MYO15B: variants seen among roughly 807,000 people sequenced by gnomAD.
MYO15B encodes the protein myosin XVB.
Under a neutral mutation model 119.3 loss-of-function variants are expected in MYO15B, and 207 were observed. The observed-to-expected ratio is 1.73, with a 90% CI of 1.55 to 1.95. The LOEUF is 1.95. Among genes scored for constraint, MYO15B ranks in the 30% most tolerant of loss-of-function variants. MYO15B has a pLI of 0.00. For missense variants in MYO15B, 2,264 were observed against 1,203.1 expected (o/e 1.88, Z -13.04); for synonymous variants, 966 against 498.9 (o/e 1.94, Z -12.48).
chr17:75,590,009 C>T, exon 1 of MYO15B: 1 of 398,802 alleles, frequency 2.5e-6, no homozygotes, highest in East Asian at 3.6e-5. Flanking sequence ...AGGCTTGGCG[C>T]CGCCGTGCTG....
In MYO15B at chr17:75,616,052, A is replaced by G. The variant is rs1037818456; in HGVS notation, c.6031-17A>G. 1.7e-5 allele frequency: 10 copies of G among 579,578 alleles called. No individual in the cohort carries two copies. The highest frequency in any genetic ancestry group is 2.9e-5 in the East Asian group (1 of 34,456). 35.9% of individuals were successfully genotyped at this position (579,578 alleles called of 1,614,324 possible). On this transcript the variant is annotated splice_polypyrimidine_tract_variant and intron_variant, in intron 36 of 63. Transcript: ENST00000645453. ...ACCCAGGCTGGCTGAGCTGCCACTC[A>G]TTTCTGCTTCTGCCAGGAGACCTCC...
Position 75,589,663 on chromosome 17 carries a change from G to A in MYO15B, c.1606G>A (p.Asp536Asn), listed in dbSNP as rs1336855350. The change falls in exon 1 of 64, where the codon GAC (aspartate) becomes AAC (asparagine). Residue 536 changes from aspartate to asparagine, a missense_variant. Coordinates refer to ENST00000645453, the Ensembl canonical transcript of MYO15B. The surrounding 1 kb of genome is among the most constrained non-coding windows in gnomAD (Gnocchi z 4.2). ...CCCCGGCGACCCTTTTGATCAGGAGGACGAGACTCCAGATCCCAAGTTCGC... is the reference window on the plus strand; with the variant it reads ...CCCCGGCGACCCTTTTGATCAGGAGAACGAGACTCCAGATCCCAAGTTCGC... 5 of 398,864 alleles carry A rather than the reference G, an allele frequency of 1.3e-5. No individual in the cohort carries two copies. The Admixed American group carries it at 1.8e-4, about 14-fold the overall frequency. The allele number at this position is 398,864 out of a possible 1,614,324, so 24.7% of individuals were successfully genotyped here. A position where few individuals can be genotyped will look rare whatever the true frequency, so the allele number is the denominator to read the frequency against.
intron 7 of MYO15B, 46 bp downstream of exon 7, chr17:75,592,347 G>A: frequency 2.8e-6 from 2 of 701,784 alleles, no homozygotes; most frequent in Non-Finnish European, 5.2e-6. Flanking sequence ...CCCAGAGTAG[G>A]AAGGGCAGAG....
intron 15 of MYO15B, 65 bp downstream of exon 15, chr17:75,601,628 C>G (rs2057292877): frequency 1.5e-6 from 1 of 676,440 alleles, no homozygotes; most frequent in South Asian, 1.6e-5. Flanking sequence ...CAAGCTGAGT[C>G]ACCCGACAGC....
intron 30 of MYO15B, 80 bp from the exon 31 acceptor site, chr17:75,614,503 G>C (rs958853103): frequency 2.4e-6 from 1 of 408,468 alleles, no homozygotes; most frequent in Non-Finnish European, 4.9e-6. Flanking sequence ...GGTGACCCCC[G>C]CAGCAGCTTC....
chr17:75,618,672 A>G (rs1338134956), intron 43 of MYO15B, among the ~76,000 whole-genome samples: 2 of 152,236 alleles, frequency 1.3e-5, no homozygotes, highest in African/African-American at 4.8e-5. Flanking sequence ...AGTAGGGACC[A>G]TTATTCATCT....
intron 15 of MYO15B, among the ~76,000 whole-genome samples, chr17:75,601,992 C>T (rs921236661): frequency 1.1e-4 from 16 of 152,118 alleles, no homozygotes; most frequent in Non-Finnish European, 2.1e-4. Flanking sequence ...TTCCCCCTTC[C>T]GAGTTCTATG....
chr17:75,625,508 C>T lies in MYO15B; in HGVS notation c.8805-19C>T, dbSNP rs1337306174. 4.3e-6 allele frequency: 3 copies of T among 702,868 alleles called. No homozygotes were observed. Among genetic ancestry groups the T allele is most frequent in the Non-Finnish European group, 7.8e-6 (3 of 384,972 alleles). The allele number at this position is 702,868 out of a possible 1,614,324, so 43.5% of individuals were successfully genotyped here. A position where few individuals can be genotyped will look rare whatever the true frequency, so the allele number is the denominator to read the frequency against. On this transcript the variant is annotated intron_variant, in intron 60 of 63. Transcript: ENST00000645453. ...ACCAGGTGGTCAGGGGCCAAACTGA[C>T]CCTGGTCACACATCCTAGGCAGGAC...
intron 21 of MYO15B, chr17:75,606,881 A>G (rs1010779707): frequency 5.0e-6 from 2 of 397,992 alleles, no homozygotes; most frequent in Non-Finnish European, 8.9e-6. Context: ...TCTCTTTCCT[A>G]TAACACCACC....
At position 75,606,155 on chromosome 17, in the gene MYO15B, A is replaced by C. The variant is rs2147904678; in HGVS notation, c.4292+134A>C. ...CCTGCCCCAGTGCCATCTCATCGGCATGTGACTCTCCTTGACGGCATTACC... is the reference window on the plus strand; with the variant it reads ...CCTGCCCCAGTGCCATCTCATCGGCCTGTGACTCTCCTTGACGGCATTACC... On this transcript the variant is annotated intron_variant, in intron 21 of 63. Coordinates refer to ENST00000645453, the Ensembl canonical transcript of MYO15B. The C allele has an allele frequency of 6.9e-6, 4 of 578,012 alleles. No homozygotes were observed. In the East Asian group the frequency reaches 1.1e-4, roughly 16 times the overall value. The allele number at this position is 578,012 out of a possible 1,614,324, so 35.8% of individuals were successfully genotyped here. A position where few individuals can be genotyped will look rare whatever the true frequency, so the allele number is the denominator to read the frequency against.
Position 75,622,605 on chromosome 17 carries a change from G to A in MYO15B, c.8082+525G>A, listed in dbSNP as rs117154826. On this transcript the variant is annotated intron_variant, in intron 53 of 63. Transcript: ENST00000645453. ...ACCAGAGGATTCTGGAGAGAGACTC[G>A]GCTTACATTTCACAGGGTCACTCGG... Among the ~76,000 whole-genome samples the A allele has an allele frequency of 2.8e-4, 42 of 152,264 alleles. No homozygotes were observed. In the East Asian group the frequency reaches 6.4e-3, roughly 23 times the overall value.
chr17:75,614,433 A>G (rs1484159146), intron 30 of MYO15B, 73 bp downstream of exon 30: 3 of 674,590 alleles, frequency 4.4e-6, no homozygotes, highest in Non-Finnish European at 8.1e-6. Context: ...TGCCACACTC[A>G]GGGGTTTATA....
intron 19 of MYO15B, 59 bp downstream of exon 19, chr17:75,603,371 C>A: frequency 1.4e-6 from 1 of 689,736 alleles, no homozygotes; most frequent in Non-Finnish European, 2.6e-6. Context: ...TGACTGGCAG[C>A]CCCGGGGGTC....
Position 75,617,317 on chromosome 17 carries a change from A to G in MYO15B, c.6814+13A>G, listed in dbSNP as rs2058433954. 2 of 618,416 alleles carry G rather than the reference A, an allele frequency of 3.2e-6. No individual in the cohort carries two copies. The highest frequency in any genetic ancestry group is 2.8e-5 in the Admixed American group (1 of 35,818). 38.3% of individuals were successfully genotyped at this position (618,416 alleles called of 1,614,324 possible). On this transcript the variant is annotated intron_variant, in intron 41 of 63. Coordinates refer to ENST00000645453, the Ensembl canonical transcript of MYO15B. ...GCAGAGCGTCGTTGTAAGGAACCAC[A>G]TTTCTCCTGCGCCGTGGGCTTCACT...
At chr17:75,614,036 G>A in intron 29 of MYO15B, 163 bp from the exon 30 acceptor site, 1 of 605,702 alleles carries the variant, frequency 1.7e-6, no homozygotes, top group African/African-American at 1.8e-5. Context: ...GCCGTGAGGT[G>A]AGGAGGGGAG....
chr17:75,610,618 C>T, intron 22 of MYO15B: 2 of 551,730 alleles, frequency 3.6e-6, no homozygotes, highest in East Asian at 5.8e-5. Flanking sequence ...GTGCTACCCC[C>T]TCTCTGGCCC....
intron 21 of MYO15B, chr17:75,606,904 A>G: frequency 2.5e-6 from 1 of 398,224 alleles, no homozygotes; most frequent in Non-Finnish European, 4.4e-6. Flanking sequence ...CCCACTTCTC[A>G]CCTAATCATC....
exon 17 of MYO15B, chr17:75,602,885 G>C (rs1028454556): frequency 1.5e-6 from 1 of 683,830 alleles, no homozygotes; most frequent in South Asian, 1.6e-5. Flanking sequence ...GGGCGAGGCA[G>C]ACCCACGCTG....
chr17:75,624,155 C>T lies in MYO15B; in HGVS notation c.8273-20C>T. ...GGGGAGACATGGCCATCTCATAACCCCAGGCTGGCTTCTCTGCAGAGCTGG... is the reference window on the plus strand; with the variant it reads ...GGGGAGACATGGCCATCTCATAACCTCAGGCTGGCTTCTCTGCAGAGCTGG... On this transcript the variant is annotated intron_variant, in intron 55 of 63. Transcript: ENST00000645453. 2.8e-6 allele frequency: 2 copies of T among 702,864 alleles called. No individual in the cohort carries two copies. Among genetic ancestry groups the T allele is most frequent in the Non-Finnish European group, 5.2e-6 (2 of 384,898 alleles). The allele number at this position is 702,864 out of a possible 1,614,324, so 43.5% of individuals were successfully genotyped here.
Sources: gnomAD v4.1 joint callset for allele counts (sites outside exome capture counted in the v4.1 genomes callset) on GRCh38, gnomAD v4.1.1 for gene constraint, Gnocchi (gnomAD v3.1) non-coding constraint, MANE v1.5 for transcripts, NCBI Gene and HGNC (gene_info 2026-07-23, HGNC 2026-07-21) for gene names.